EPC2: variants seen among roughly 807,000 people sequenced by gnomAD.
EPC2 encodes enhancer of polycomb 2.
A neutral mutation model predicts 92.1 loss-of-function variants in EPC2; 14 were observed. That is an observed-to-expected ratio of 0.15 (90% CI 0.10 to 0.24). EPC2 has a LOEUF of 0.24. EPC2 is among the 10% of genes least tolerant of loss of function. The probability of loss-of-function intolerance (pLI) is 1.00; values close to 1 mark genes in which losing one functional copy is unlikely to be tolerated. For missense variants in EPC2, 755 were observed against 971.5 expected (o/e 0.78, Z 2.96); for synonymous variants, 340 against 334.7 (o/e 1.02, Z -0.17).
rs1682926745 is a variant in EPC2 at position 148,743,680 on chromosome 2, A to T, written c.372A>T (p.Leu124Phe). The T allele has an allele frequency of 6.2e-7, 1 of 1,604,052 alleles. No homozygotes were observed. The change falls in exon 3 of 14, where the codon TTA becomes TTT. Residue 124 changes from leucine to phenylalanine, a missense_variant. By Grantham distance (22) the Leu-to-Phe change is conservative. This residue lies in a region of EPC2 where 509 missense variants were observed against 607.7 expected (regional missense o/e 0.84). Transcript: ENST00000258484. ...DYDMDSEDET[L>F]LNRLNRKMEI... Reference sequence around the variant, plus strand: ...ATATGGATTCAGAAGATGAGACTTTATTAAATAGACTTAACAGAAAGATGG... The same window carrying T: ...ATATGGATTCAGAAGATGAGACTTTTTTAAATAGACTTAACAGAAAGATGG...
intron 10 of EPC2, among the ~76,000 whole-genome samples, chr2:148,776,626 A>G (rs534748377): frequency 1.3e-5 from 2 of 152,186 alleles, no homozygotes; most frequent in Non-Finnish European, 2.9e-5. Context: ...ATTTGATGTA[A>G]GATCCCTCTC....
intron 2 of EPC2, among the ~76,000 whole-genome samples, chr2:148,709,004 G>T (rs913870518): frequency 6.6e-6 from 1 of 152,134 alleles, no homozygotes; most frequent in Non-Finnish European, 1.5e-5. Flanking sequence ...GGGCAGTCAG[G>T]CAAGAGAAAG....
chr2:148,665,035 AC>A (rs1681031461), intron 1 of EPC2, among the ~76,000 whole-genome samples: 1 of 152,210 alleles, frequency 6.6e-6, no homozygotes, highest in East Asian at 1.9e-4. Flanking sequence ...CCATAAAGAT[AC>A]TTTGAGACAT....
intron 3 of EPC2, 46 bp from the exon 4 acceptor site, chr2:148,753,881 T>G (rs758280904): frequency 2.6e-6 from 4 of 1,533,914 alleles, no homozygotes; most frequent in Non-Finnish European, 3.5e-6. Context: ...CTTTTATTTC[T>G]TTTTGCAAAC....
intron 2 of EPC2, among the ~76,000 whole-genome samples, chr2:148,707,640 C>T (rs549848007): frequency 6.6e-6 from 1 of 152,294 alleles, no homozygotes; most frequent in South Asian, 2.1e-4. Flanking sequence ...GAAATCACAA[C>T]AAACTGTCTC....
intron 2 of EPC2, among the ~76,000 whole-genome samples, chr2:148,703,880 T>G (rs1427285164): frequency 6.6e-6 from 1 of 152,192 alleles, no homozygotes; most frequent in East Asian, 1.9e-4. Context: ...CCCTTTAGAA[T>G]GGCTACTATC....
chr2:148,712,686 T>G (rs1282729780), intron 2 of EPC2, among the ~76,000 whole-genome samples: 1 of 152,064 alleles, frequency 6.6e-6, no homozygotes, highest in East Asian at 1.9e-4. Flanking sequence ...GGCCAGGAGT[T>G]GGAGACCAGC....
chr2:148,722,943 C>T (rs529580421), intron 2 of EPC2, among the ~76,000 whole-genome samples: 1 of 152,290 alleles, frequency 6.6e-6, no homozygotes, highest in Admixed American at 6.5e-5. Context: ...ACTGCATGTT[C>T]TCACTTATAA....
In EPC2 at chr2:148,767,419, T is replaced by C. The variant is rs150818873; in HGVS notation, c.1141-1732T>C. Among the ~76,000 whole-genome samples, 35 of 152,280 alleles carry C rather than the reference T, an allele frequency of 2.3e-4. 1 individual carries two copies. The East Asian group carries it at 6.2e-3, about 27-fold the overall frequency. On this transcript the variant is annotated intron_variant, in intron 7 of 13. Coordinates refer to ENST00000258484, the MANE Select transcript of EPC2 (RefSeq NM_015630.4). ...ACATGAAAATTGCATTTTGAAACTT[T>C]TAGGTTCTTCTGATTGTTTGTATTA...
At chr2:148,760,726 A>C (rs1683287042) in intron 4 of EPC2, among the ~76,000 whole-genome samples, 1 of 152,218 alleles carries the variant, frequency 6.6e-6, no homozygotes, top group Non-Finnish European at 1.5e-5. Context: ...GACTTAGTGT[A>C]GGTTATTTTT....
intron 11 of EPC2, among the ~76,000 whole-genome samples, chr2:148,782,734 T>C (rs1221350894): frequency 2.3e-5 from 3 of 129,152 alleles, no homozygotes; most frequent in Non-Finnish European, 4.9e-5. Flanking sequence ...TGTGGACTTC[T>C]GGCCTGCAGA....
chr2:148,747,587 C>T (rs1348854), intron 3 of EPC2, among the ~76,000 whole-genome samples: 146,435 of 152,078 alleles, frequency 0.96, 70,743 homozygotes, highest in Middle Eastern at 1. Context: ...TACCTTTTAC[C>T]CACATCACAA....
intron 2 of EPC2, among the ~76,000 whole-genome samples, chr2:148,698,919 G>A (rs1681814813): frequency 6.6e-6 from 1 of 150,516 alleles, no homozygotes; most frequent in Non-Finnish European, 1.5e-5. Flanking sequence ...CATAGAGTAA[G>A]CATTTTTCCA....
chr2:148,712,922 C>T (rs1225014067), intron 2 of EPC2, among the ~76,000 whole-genome samples: 5 of 150,948 alleles, frequency 3.3e-5, no homozygotes, highest in Admixed American at 6.6e-5. Context: ...AGCCAGGTGC[C>T]ATGGTGGCTC....
At chr2:148,728,902 G>T (rs1227252884) in intron 2 of EPC2, among the ~76,000 whole-genome samples, 2 of 150,978 alleles carry the variant, frequency 1.3e-5, no homozygotes, top group Non-Finnish European at 3.0e-5. Flanking sequence ...CATGGTGGTG[G>T]GCGCCTGTAG....
intron 3 of EPC2, among the ~76,000 whole-genome samples, chr2:148,744,844 T>C (rs569873651): frequency 1.8e-4 from 27 of 152,144 alleles, no homozygotes; most frequent in African/African-American, 6.3e-4. Flanking sequence ...TTACAGTAGA[T>C]TGTTAAAACT....
At chr2:148,711,610 A>G (rs992259430) in intron 2 of EPC2, among the ~76,000 whole-genome samples, 2 of 152,208 alleles carry the variant, frequency 1.3e-5, no homozygotes, top group Non-Finnish European at 2.9e-5. Flanking sequence ...TTGACTGATC[A>G]TGCTGTCCAT....
At chr2:148,673,573 T>G (rs1419687192) in intron 1 of EPC2, among the ~76,000 whole-genome samples, 4 of 152,178 alleles carry the variant, frequency 2.6e-5, no homozygotes, top group Non-Finnish European at 5.9e-5. Context: ...TTTTATACAT[T>G]AATCATTTTT....
chr2:148,755,242 T>C (rs1414539160), intron 4 of EPC2, among the ~76,000 whole-genome samples: 1 of 152,184 alleles, frequency 6.6e-6, no homozygotes, highest in Non-Finnish European at 1.5e-5. Context: ...TTCTGGTTCT[T>C]AGCTAAGGGA....
Sources: gnomAD v4.1 joint callset for allele counts (sites outside exome capture counted in the v4.1 genomes callset) on GRCh38, gnomAD v4.1.1 for gene constraint, gnomAD v4.1.1 regional missense constraint, MANE v1.5 for transcripts, NCBI Gene and HGNC (gene_info 2026-07-23, HGNC 2026-07-21) for gene names.